CLMN: variants seen among roughly 807,000 people sequenced by gnomAD.
The protein encoded by CLMN is calmin, also known as calmin (calponin-like, transmembrane).
Under a neutral mutation model 92.7 loss-of-function variants are expected in CLMN, and 57 were observed. The ratio of observed to expected loss-of-function variants is 0.61; its 90% CI spans 0.50 to 0.77. CLMN has a LOEUF of 0.77. Among genes scored for constraint, CLMN ranks in the 30% least tolerant of loss-of-function variants. The probability of loss-of-function intolerance (pLI) is 0.00; values close to 1 mark genes in which losing one functional copy is unlikely to be tolerated. For missense variants in CLMN, 1,158 were observed against 1,237.5 expected, an observed-to-expected ratio of 0.94 and a Z score of 0.96; for synonymous variants, 466 against 470.6, an observed-to-expected ratio of 0.99 and a Z score of 0.13.
intron 1 of CLMN, among the ~76,000 whole-genome samples, chr14:95,277,971 T>C (rs1899998882): frequency 6.6e-6 from 1 of 152,226 alleles, no homozygotes; most frequent in African/African-American, 2.4e-5. Flanking sequence ...ATTCTCAGCC[T>C]AGGGAATAAG....
intron 1 of CLMN, among the ~76,000 whole-genome samples, chr14:95,299,791 C>T (rs762909842): frequency 8.5e-5 from 13 of 152,172 alleles, no homozygotes; most frequent in Non-Finnish European, 1.6e-4. Context: ...CCCTTCCCTG[C>T]CCAACCTTTG....
At chr14:95,238,611 G>T (rs1898136762) in intron 1 of CLMN, among the ~76,000 whole-genome samples, 1 of 152,214 alleles carries the variant, frequency 6.6e-6, no homozygotes, top group South Asian at 2.1e-4. Flanking sequence ...TCTTGTAGAG[G>T]CCCTCCCCCA....
At position 95,188,785 on chromosome 14, in the gene CLMN, A is replaced by T. The variant is rs1896495927; in HGVS notation, c.*2779T>A. On this transcript the variant is annotated 3_prime_UTR_variant, in exon 13 of 13. Coordinates refer to ENST00000298912, the MANE Select transcript of CLMN (RefSeq NM_024734.4). ...ATAAAGGTACGGGAATCAGAATGGC[A>T]TCAGAAATCTCAACCAGCACGCTTG... 1 of 152,174 alleles carries T rather than the reference A, an allele frequency of 6.6e-6. No homozygotes were observed. The highest frequency in any genetic ancestry group is 6.5e-5 in the Admixed American group (1 of 15,290). 9.4% of individuals were successfully genotyped at this position (152,174 alleles called of 1,614,324 possible).
At chr14:95,213,522 T>C (rs567567753) in intron 5 of CLMN, 113 bp from the exon 6 acceptor site, 3 of 964,908 alleles carry the variant, frequency 3.1e-6, no homozygotes, top group South Asian at 3.7e-5. Context: ...TCAGGCAGGA[T>C]TGCTTCTCTG....
chr14:95,272,277 C>G (rs10141504), intron 1 of CLMN, among the ~76,000 whole-genome samples: 14,586 of 151,798 alleles, frequency 0.096, 843 homozygotes, highest in African/African-American at 0.15. Flanking sequence ...GGCTGAGGAG[C>G]TGGAAGGGGA....
intron 1 of CLMN, among the ~76,000 whole-genome samples, chr14:95,240,343 G>A (rs751907128): frequency 9.2e-5 from 14 of 152,160 alleles, no homozygotes; most frequent in Non-Finnish European, 1.8e-4. Context: ...AGGGAATGGT[G>A]TGGCATGACC....
intron 2 of CLMN, among the ~76,000 whole-genome samples, chr14:95,229,349 TG>T (rs1315421387): frequency 2.6e-5 from 4 of 152,206 alleles, no homozygotes; most frequent in Admixed American, 2.6e-4. Context: ...CAGCTGCTTT[TG>T]TTTTATGGTG....
chr14:95,264,992 A>C (rs11848367), intron 1 of CLMN, among the ~76,000 whole-genome samples: 3,574 of 151,816 alleles, frequency 0.024, 163 homozygotes, highest in African/African-American at 0.082. Context: ...CATGTCTATA[A>C]TCCTAGCACT....
At chr14:95,193,028 G>T in intron 12 of CLMN, 1 of 315,156 alleles carries the variant, frequency 3.2e-6, no homozygotes, top group Non-Finnish European at 5.7e-6. Context: ...GCAGCCAGAG[G>T]GATGGGGTTC....
chr14:95,316,361 G>A (rs900247806), intron 1 of CLMN, among the ~76,000 whole-genome samples: 1 of 152,246 alleles, frequency 6.6e-6, no homozygotes, highest in Non-Finnish European at 1.5e-5. Context: ...AGAGGGACAT[G>A]CCCATGCTCT....
rs1896648016 is a variant in CLMN, at chr14:95,194,551, A to G, written c.2754T>C (p.His918=). 2.5e-6 allele frequency: 4 copies of G among 1,614,240 alleles called. No homozygotes were observed. ...DSSIYLRRHT[H]RSSESDHFSY... is the part of the protein sequence containing the mutation. ...ACATACTAACCGATTCCGAAGACCT[A>G]TGAGTATGTCGTCGAAGGTAAATGC... is the stretch of plus-strand genomic sequence containing the variant. The change falls in exon 11 of 13, where the codon CAT becomes CAC. Residue 918 remains histidine, a synonymous_variant. Transcript: ENST00000298912. This position sits in a 1 kb window ranked among gnomAD's most constrained non-coding sequence, Gnocchi z 4.0.
intron 2 of CLMN, among the ~76,000 whole-genome samples, chr14:95,229,127 T>C (rs1259506554): frequency 2.0e-5 from 3 of 152,112 alleles, no homozygotes; most frequent in Non-Finnish European, 4.4e-5. Flanking sequence ...AGTGAGTAGA[T>C]AAAAAATCAA....
chr14:95,299,865 T>C (rs2140776956), intron 1 of CLMN, among the ~76,000 whole-genome samples: 1 of 152,326 alleles, frequency 6.6e-6, no homozygotes, highest in South Asian at 2.1e-4. Flanking sequence ...GTTCTTTCAT[T>C]TTTCTGTGTT....
intron 1 of CLMN, among the ~76,000 whole-genome samples, chr14:95,247,464 C>T (rs754207897): frequency 3.9e-5 from 6 of 152,186 alleles, no homozygotes; most frequent in Non-Finnish European, 8.8e-5. Flanking sequence ...CTCCCTGAGT[C>T]GAGAGGCTGC....
chr14:95,217,004 T>G (rs1335355136), intron 4 of CLMN, among the ~76,000 whole-genome samples: 1 of 152,184 alleles, frequency 6.6e-6, no homozygotes, highest in African/African-American at 2.4e-5. Flanking sequence ...AAACAAAATC[T>G]AAGCACTGGA....
chr14:95,234,686 C>A (rs1897995839), intron 1 of CLMN, among the ~76,000 whole-genome samples: 1 of 152,180 alleles, frequency 6.6e-6, no homozygotes, highest in African/African-American at 2.4e-5. Context: ...GGGGCCGAGA[C>A]AGAAGGGAGG....
intron 5 of CLMN, among the ~76,000 whole-genome samples, chr14:95,214,251 C>T (rs1379212421): frequency 6.6e-6 from 1 of 151,766 alleles, no homozygotes; most frequent in African/African-American, 2.4e-5. Flanking sequence ...TGACTTTTAC[C>T]ACATCTTCGG....
chr14:95,314,656 T>C (rs1349863403), intron 1 of CLMN, among the ~76,000 whole-genome samples: 3 of 152,174 alleles, frequency 2.0e-5, no homozygotes, highest in Non-Finnish European at 4.4e-5. Flanking sequence ...TGGGTCTTGG[T>C]TGTGGCTTCC....
Position 95,196,637 on chromosome 14 carries a change from T to C in CLMN, c.2569A>G (p.Lys857Glu), listed in dbSNP as rs568558650. The change falls in exon 10 of 13, where the codon AAA (lysine) becomes GAA (glutamate). Residue 857 changes from lysine to glutamate, a missense_variant. By Grantham distance (56) the Lys-to-Glu change is moderately conservative. Transcript: ENST00000298912. ...TTTTTTTTACTACTGATTGATTCTTTCGTTACATTTTCTTCTAGGGGGTTT... is the reference window on the plus strand; with the variant it reads ...TTTTTTTTACTACTGATTGATTCTTCCGTTACATTTTCTTCTAGGGGGTTT... ...IANPLEENVT[K>E]ESISSKKKEK... The C allele has an allele frequency of 1.9e-6, 3 of 1,614,116 alleles. No individual in the cohort carries two copies. Among genetic ancestry groups the C allele is most frequent in the African/African-American group, 2.7e-5 (2 of 75,014 alleles).
Sources: allele counts gnomAD v4.1 joint callset (sites outside exome capture counted in the v4.1 genomes callset), GRCh38; gene constraint gnomAD v4.1.1; non-coding constraint Gnocchi (gnomAD v3.1); transcripts MANE v1.5; gene names NCBI Gene and HGNC (gene_info 2026-07-23, HGNC 2026-07-21).